TACC2: variants seen among roughly 807,000 people sequenced by gnomAD.
TACC2 encodes the protein transforming acidic coiled-coil containing protein 2.
A neutral mutation model predicts 227.3 loss-of-function variants in TACC2; 137 were observed. That is an observed-to-expected ratio of 0.60 (90% CI 0.52 to 0.69). The LOEUF (loss-of-function observed/expected upper bound fraction) is 0.69. Among genes scored for constraint, TACC2 ranks in the 30% least tolerant of loss-of-function variants. The pLI is 0.00. For missense variants in TACC2, 3,470 were observed against 3,694.4 expected, an observed-to-expected ratio of 0.94 and a Z score of 1.57; for synonymous variants, 1,523 against 1,487.5, an observed-to-expected ratio of 1.02 and a Z score of -0.55.
At chr10:122,061,605 C>T (rs2076830677) in intron 3 of TACC2, among the ~76,000 whole-genome samples, 1 of 152,106 alleles carries the variant, frequency 6.6e-6, no homozygotes, top group African/African-American at 2.4e-5. Flanking sequence ...TGCTCCATGC[C>T]CAGCTCCTTA....
chr10:122,036,195 C>CT (rs556416510), intron 2 of TACC2, among the ~76,000 whole-genome samples: 63,563 of 139,040 alleles, frequency 0.46, 15,444 homozygotes, highest in African/African-American at 0.61. Context: ...CTAATCCATT[C>CT]TTTTTTTTTT....
At position 122,157,355 on chromosome 10, in the gene TACC2, G is replaced by T. The variant is rs552840419; in HGVS notation, c.5834+13649G>T. 5.3e-5 allele frequency among the ~76,000 whole-genome samples: 8 copies of T among 152,246 alleles called. No individual in the cohort carries two copies. The East Asian group carries it at 1.5e-3, about 29-fold the overall frequency. ...TGTTGATTGCCAGGAGAGCTGAGGA[G>T]CCCCTGCCGTGCTTGCTGACATAGC... is the stretch of plus-strand genomic sequence containing the variant. On this transcript the variant is annotated intron_variant, in intron 7 of 22. Coordinates refer to ENST00000369005, the MANE Select transcript of TACC2 (RefSeq NM_206862.4).
In TACC2 at chr10:122,182,683, A is replaced by T. The variant is rs58664548; in HGVS notation, c.5835-12357A>T. 9.7e-3 allele frequency among the ~76,000 whole-genome samples: 1,472 copies of T among 152,300 alleles called. 31 individuals are homozygous for T. Among genetic ancestry groups the T allele is most frequent in the African/African-American group, 0.034 (1,417 of 41,560 alleles). On this transcript the variant is annotated intron_variant, in intron 7 of 22. Transcript: ENST00000369005. ...ACGAGTTATAAAGTCAAAACACGTGAGCTTTAATTATTGCTGGAATAAGCG... is the reference window on the plus strand; with the variant it reads ...ACGAGTTATAAAGTCAAAACACGTGTGCTTTAATTATTGCTGGAATAAGCG...
chr10:122,043,845 G>C (rs1441365737), intron 2 of TACC2, among the ~76,000 whole-genome samples: 4 of 152,190 alleles, frequency 2.6e-5, no homozygotes, highest in Admixed American at 2.0e-4. Context: ...CTCCCAAAGT[G>C]CTGGGATTAC....
intron 7 of TACC2, among the ~76,000 whole-genome samples, chr10:122,185,675 TA>T (rs2094162516): frequency 1.3e-5 from 2 of 152,208 alleles, no homozygotes; most frequent in African/African-American, 2.4e-5. Context: ...CAGGATCCTT[TA>T]GTGCAAGCTC....
intron 1 of TACC2, among the ~76,000 whole-genome samples, chr10:121,991,829 A>G (rs909681922): frequency 3.3e-5 from 5 of 152,242 alleles, no homozygotes; most frequent in African/African-American, 1.2e-4. Flanking sequence ...ACACAGGAAG[A>G]AGGTTTAATG....
chr10:122,143,372 G>C (rs1230115862), intron 6 of TACC2, among the ~76,000 whole-genome samples, 200 bp from the exon 7 acceptor site: 1 of 151,884 alleles, frequency 6.6e-6, no homozygotes, highest in Non-Finnish European at 1.5e-5. Flanking sequence ...GGCCTGGCCT[G>C]GGAGCCACTT....
intron 5 of TACC2, among the ~76,000 whole-genome samples, chr10:122,094,616 T>C (rs1257021239): frequency 6.6e-6 from 1 of 152,176 alleles, no homozygotes. Context: ...TCATGAAGCA[T>C]CTGCACAAAG....
chr10:122,070,378 G>A (rs2077897734), intron 3 of TACC2, among the ~76,000 whole-genome samples: 1 of 152,164 alleles, frequency 6.6e-6, no homozygotes, highest in Admixed American at 6.6e-5. Context: ...GGAGACTGAG[G>A]TGGGCTAATT....
At chr10:122,233,160 G>A (rs2095791723) in intron 16 of TACC2, among the ~76,000 whole-genome samples, 1 of 152,172 alleles carries the variant, frequency 6.6e-6, no homozygotes, top group South Asian at 2.1e-4. Flanking sequence ...GTGTCAGGCT[G>A]CAGTCTCACC....
rs201187067 is a variant in TACC2 at position 122,242,948 on chromosome 10, T to TTTGTTGTTG, written c.8392+953_8392+961dup. 5.8e-3 allele frequency among the ~76,000 whole-genome samples: 890 copies of TTTGTTGTTG among 152,144 alleles called. 12 individuals carry two copies. Among genetic ancestry groups the TTTGTTGTTG allele is most frequent in the African/African-American group, 0.02 (843 of 41,488 alleles). On this transcript the variant is annotated intron_variant, in intron 19 of 22. Coordinates refer to ENST00000369005, the MANE Select transcript of TACC2 (RefSeq NM_206862.4). ...CCATGCCCAGCCCATGATAACCAGT[T>TTTGTTGTTG]TTGTTGTTGTTGTTTGAGACCGTCT...
At position 122,091,590 on chromosome 10, in the gene TACC2, C is replaced by T. The variant is rs538034352; in HGVS notation, c.5573+2999C>T. Among the ~76,000 whole-genome samples the T allele has an allele frequency of 9.9e-5, 15 of 152,188 alleles. No homozygotes were observed. In the South Asian group the frequency reaches 3.1e-3, roughly 32 times the overall value. On this transcript the variant is annotated intron_variant, in intron 5 of 22. Transcript: ENST00000369005. ...TGGTTGAGGGTTTCTGGAAAAAATT[C>T]GGATTGGACTCTCTCATCCAGCCTG...
At chr10:122,153,062 C>G (rs749812669) in intron 7 of TACC2, among the ~76,000 whole-genome samples, 5 of 136,390 alleles carry the variant, frequency 3.7e-5, no homozygotes, top group Non-Finnish European at 6.2e-5. Flanking sequence ...GTGGTGTGAT[C>G]TCGGCTCACT....
intron 1 of TACC2, among the ~76,000 whole-genome samples, chr10:122,006,157 A>C (rs1461315388): frequency 6.6e-6 from 1 of 152,082 alleles, no homozygotes; most frequent in Non-Finnish European, 1.5e-5. Context: ...TTTTTAAAAA[A>C]TAGGATGCTG....
chr10:122,088,019 C>A, intron 4 of TACC2, 60 bp downstream of exon 4: 1 of 1,451,468 alleles, frequency 6.9e-7, no homozygotes, highest in East Asian at 2.4e-5. Flanking sequence ...TGATTCCCAG[C>A]CTGATTTTTA....
chr10:122,230,796 G>A, intron 16 of TACC2, among the ~76,000 whole-genome samples: 1 of 148,986 alleles, frequency 6.7e-6, no homozygotes, highest in South Asian at 2.1e-4. Context: ...ACCTTTGAGG[G>A]TTTTTTTTTT....
chr10:122,085,740 G>C lies in TACC2; in HGVS notation c.3240G>C (p.Glu1080Asp). ...VTPTQDAPET[E>D]ACDETQEGRQ... ...CCACCCAGGATGCCCCAGAGACAGA[G>C]GCATGTGATGAAACCCAGGAAGGCA... The change falls in exon 4 of 23, where the codon GAG becomes GAC. Residue 1080 changes from glutamate (E) to aspartate (D), a missense_variant. This residue lies in a region of TACC2 where 1,924 missense variants were observed against 1,978.3 expected (regional missense o/e 0.97). Coordinates refer to ENST00000369005, the MANE Select transcript of TACC2 (RefSeq NM_206862.4). 1 of 1,613,872 alleles carries C rather than the reference G, an allele frequency of 6.2e-7. No homozygotes were observed. Among genetic ancestry groups the C allele is most frequent in the Non-Finnish European group, 8.5e-7 (1 of 1,180,010 alleles).
At position 122,050,354 on chromosome 10, in the gene TACC2, G is replaced by A; in HGVS notation, c.34-84G>A. On this transcript the variant is annotated intron_variant, in intron 2 of 22. Coordinates refer to ENST00000369005, the MANE Select transcript of TACC2 (RefSeq NM_206862.4). The surrounding 1 kb of genome is among the most constrained non-coding windows in gnomAD (Gnocchi z 4.6). ...GAACAACCTTACCTTGAATGCTGTG[G>A]TGGGTGCCCTGTTGATAAATGTTTT... 2 of 1,027,408 alleles carry A rather than the reference G, an allele frequency of 1.9e-6. No homozygotes were observed. Among genetic ancestry groups the A allele is most frequent in the Non-Finnish European group, 3.0e-6 (2 of 675,360 alleles). 63.6% of individuals were successfully genotyped at this position (1,027,408 alleles called of 1,614,324 possible).
At position 122,085,492 on chromosome 10, in the gene TACC2, G is replaced by C; in HGVS notation, c.2992G>C (p.Ala998Pro). ...GCCAAACAAGTCTCAACAGGCATTG[G>C]CTGATGCCTTGGAAGAAGGCAGCCA... ...QGPNKSQQAL[A>P]DALEEGSQHE... The change falls in exon 4 of 23, where the codon GCT becomes CCT. Residue 998 changes from alanine to proline, a missense_variant. Ala to Pro is a conservative substitution (Grantham distance 27). This residue lies in a region of TACC2 where 1,924 missense variants were observed against 1,978.3 expected (regional missense o/e 0.97). Transcript: ENST00000369005. 6.2e-7 allele frequency: 1 copy of C among 1,613,660 alleles called. No homozygotes were observed. Among genetic ancestry groups the C allele is most frequent in the South Asian group, 1.1e-5 (1 of 91,086 alleles).
Sources: gnomAD v4.1 joint callset for allele counts (sites outside exome capture counted in the v4.1 genomes callset) on GRCh38, gnomAD v4.1.1 for gene constraint, gnomAD v4.1.1 regional missense constraint, Gnocchi (gnomAD v3.1) non-coding constraint, MANE v1.5 for transcripts, NCBI Gene and HGNC (gene_info 2026-07-23, HGNC 2026-07-21) for gene names.